Variants in REST observed in about 807,000 individuals in gnomAD.
The protein encoded by REST is RE1 silencing transcription factor, also known as RE1-silencing transcription factor.
REST carries 1 observed loss-of-function variant against 30.4 expected under a neutral mutation model. That is an observed-to-expected ratio of 0.03 (90% CI 0.01 to 0.16). REST has a LOEUF of 0.16. Ranked by LOEUF, REST falls within the 10% of genes least tolerant of loss-of-function variation. REST has a pLI of 1.00. For synonymous variants in REST, 504 were observed against 451.1 expected, an observed-to-expected ratio of 1.12 and a Z score of -1.49; for missense variants, 1,259 against 1,329.5, an observed-to-expected ratio of 0.95 and a Z score of 0.82.
chr4:56,916,511 C>A (rs1226252220), intron 2 of REST, among the ~76,000 whole-genome samples: 3 of 152,044 alleles, frequency 2.0e-5, no homozygotes, highest in Non-Finnish European at 4.4e-5. Flanking sequence ...CAACACTTAG[C>A]CTGTAGTCCC....
intron 3 of REST, among the ~76,000 whole-genome samples, chr4:56,923,528 C>T (rs116588537): frequency 0.012 from 1,819 of 152,204 alleles, 13 homozygotes; most frequent in Non-Finnish European, 0.02. Context: ...ACTGCAACTT[C>T]TACCTCCCGG....
rs1014438653 is a variant in REST at position 56,911,486 on chromosome 4, A to G, written c.848A>G (p.Tyr283Cys). Residue 283 changes from tyrosine (Y) to cysteine (C), a missense_variant, in exon 2 of 4, where the codon TAT (tyrosine) becomes TGT (cysteine). By Grantham distance (194) the Tyr-to-Cys change is radical. Transcript: ENST00000309042. The stretch of plus-strand genomic sequence containing the variant: ...GTATACACATGTGGAAAATGCAACT[A>G]TTTTTCAGACAGAAAAAACAATTAT... ...RKVYTCGKCN[Y>C]FSDRKNNYVQ... The G allele has an allele frequency of 6.2e-7, 1 of 1,614,000 alleles. No individual in the cohort carries two copies. Among genetic ancestry groups the G allele is most frequent in the Non-Finnish European group, 8.5e-7 (1 of 1,179,924 alleles).
At position 56,930,349 on chromosome 4, in the gene REST, A is replaced by G; in HGVS notation, c.1491A>G (p.Thr497=). 1 of 1,614,132 alleles carries G rather than the reference A, an allele frequency of 6.2e-7. No individual in the cohort carries two copies. The highest frequency in any genetic ancestry group is 1.1e-5 in the South Asian group (1 of 91,070). The change falls in exon 4 of 4, where the codon ACA becomes ACG. Residue 497 remains threonine (T), a synonymous_variant. Coordinates refer to ENST00000309042, the MANE Select transcript of REST (RefSeq NM_005612.5). The part of the protein sequence containing the change: ...QVTTRTRKSV[T]EVKEMDVHTG... ...CTACCAGAACTCGAAAATCAGTAAC[A>G]GAGGTGAAAGAGATGGATGTGCATA...
Position 56,931,993 on chromosome 4 carries a change from A to G in REST, c.3135A>G (p.Lys1045=). ...ARPVPQESSR[K]NAKEALAVKA... ...CAGTTCCACAAGAATCTAGCAGAAA[A>G]AATGCAAAGGAAGCCTTGGCAGTCA... Residue 1045 remains lysine, a synonymous_variant, in exon 4 of 4, where the codon AAA becomes AAG. Coordinates refer to ENST00000309042, the MANE Select transcript of REST (RefSeq NM_005612.5). The G allele has an allele frequency of 1.2e-6, 2 of 1,614,246 alleles. No homozygotes were observed. The highest frequency in any genetic ancestry group is 1.6e-4 in the Middle Eastern group (1 of 6,062).
At chr4:56,923,778 A>G (rs1236604845) in intron 3 of REST, among the ~76,000 whole-genome samples, 4 of 151,720 alleles carry the variant, frequency 2.6e-5, no homozygotes, top group East Asian at 1.9e-4. Flanking sequence ...CTGGAGTGCA[A>G]TGGTGCGACC....
intron 2 of REST, among the ~76,000 whole-genome samples, chr4:56,919,556 G>T (rs1166508952): frequency 6.6e-6 from 1 of 152,082 alleles, no homozygotes; most frequent in East Asian, 1.9e-4. Context: ...GTGAGAATTC[G>T]GAAAGTCAAT....
At chr4:56,916,261 C>CT (rs1720190057) in intron 2 of REST, among the ~76,000 whole-genome samples, 2 of 152,106 alleles carry the variant, frequency 1.3e-5, no homozygotes, top group African/African-American at 4.8e-5. Context: ...TAAAGAAAAC[C>CT]TTTTTGCCTG....
chr4:56,908,119 C>G lies in REST; in HGVS notation c.-104C>G, dbSNP rs971145222. ...CCAGCACCCAACTTTACCACCCTCC[C>G]CCACCTCTCCCCCGAAACTCCAGCA... On this transcript the variant is annotated 5_prime_UTR_variant, in exon 1 of 4. Coordinates refer to ENST00000309042, the MANE Select transcript of REST (RefSeq NM_005612.5). 6.8e-6 allele frequency: 2 copies of G among 293,316 alleles called. No individual in the cohort carries two copies. The highest frequency in any genetic ancestry group is 1.3e-5 in the Non-Finnish European group (2 of 157,350). 18.2% of individuals were successfully genotyped at this position (293,316 alleles called of 1,614,324 possible).
chr4:56,925,310 T>C (rs1393370783), intron 3 of REST, among the ~76,000 whole-genome samples: 1 of 152,178 alleles, frequency 6.6e-6, no homozygotes, highest in African/African-American at 2.4e-5. Flanking sequence ...CCTCCTAGGC[T>C]CAAACGATCC....
In REST at chr4:56,934,828, A is replaced by G. The variant is rs1578520676; in HGVS notation, c.*2676A>G. 6.6e-6 allele frequency: 1 copy of G among 152,202 alleles called. No homozygotes were observed. The highest frequency in any genetic ancestry group is 1.5e-5 in the Non-Finnish European group (1 of 68,026). 9.4% of individuals were successfully genotyped at this position (152,202 alleles called of 1,614,324 possible). On this transcript the variant is annotated 3_prime_UTR_variant, in exon 4 of 4. Coordinates refer to ENST00000309042, the MANE Select transcript of REST (RefSeq NM_005612.5). Reference sequence around the variant, plus strand: ...TAATTAGTGATAAACTTGAAATACTAGCATATATTATAAGCCTTAATCTTA... The same window carrying G: ...TAATTAGTGATAAACTTGAAATACTGGCATATATTATAAGCCTTAATCTTA...
Position 56,921,026 on chromosome 4 carries a change from C to T in REST, c.982+1156C>T, listed in dbSNP as rs116871278. On this transcript the variant is annotated intron_variant, in intron 3 of 3. Coordinates refer to ENST00000309042, the MANE Select transcript of REST (RefSeq NM_005612.5). The stretch of plus-strand genomic sequence containing the variant: ...GATTACAGGCGCGCACCACCATGCC[C>T]GGCTGATTCTTGTATTTTTAGTAGA... Among the ~76,000 whole-genome samples the T allele has an allele frequency of 1.7e-3, 261 of 151,952 alleles. 3 individuals carry two copies. The East Asian group carries it at 0.041, about 24-fold the overall frequency.
chr4:56,907,983 G>T lies in REST; in HGVS notation c.-240G>T. ...AGCGGAGCGAGCGCCGCCGAGGCCC[G>T]GGGCCCCAGACCCTGGCGGCGGCTG... On this transcript the variant is annotated 5_prime_UTR_variant, in exon 1 of 4. Transcript: ENST00000309042. 2.9e-6 allele frequency: 1 copy of T among 350,188 alleles called. No individual in the cohort carries two copies. Among genetic ancestry groups the T allele is most frequent in the Non-Finnish European group, 5.1e-6 (1 of 195,564 alleles). 21.7% of individuals were successfully genotyped at this position (350,188 alleles called of 1,614,324 possible).
chr4:56,923,940 C>A (rs927529841), intron 3 of REST, among the ~76,000 whole-genome samples: 7 of 151,634 alleles, frequency 4.6e-5, no homozygotes, highest in Non-Finnish European at 8.8e-5. Context: ...CCAGGATAGT[C>A]TTGATCTCCT....
At chr4:56,912,361 G>C (rs1315563192) in intron 2 of REST, among the ~76,000 whole-genome samples, 1 of 51,398 alleles carries the variant, frequency 1.9e-5, no homozygotes, top group Non-Finnish European at 4.0e-5. Context: ...TTTTTTTTTT[G>C]AGACAGTCTG....
At chr4:56,914,966 C>T (rs1430520111) in intron 2 of REST, among the ~76,000 whole-genome samples, 4 of 141,660 alleles carry the variant, frequency 2.8e-5, no homozygotes, top group African/African-American at 1.1e-4. Flanking sequence ...CTCTTGTCGC[C>T]CAGGGTGGAG....
intron 2 of REST, among the ~76,000 whole-genome samples, chr4:56,916,059 C>T (rs1720181515): frequency 6.9e-6 from 1 of 144,214 alleles, no homozygotes; most frequent in African/African-American, 2.5e-5. Flanking sequence ...CGAGATTGTG[C>T]AACTGCACTC....
At chr4:56,911,566 A>G (rs1719914082) in intron 2 of REST, 30 bp downstream of exon 2, 1 of 1,561,028 alleles carries the variant, frequency 6.4e-7, no homozygotes. Context: ...CCATAAGTTC[A>G]GTTCTCTTTT....
rs1266165369 is a variant in REST, at chr4:56,935,460, T to G, written c.*3308T>G. ...CAGATAGCTTTTACAGTTTCACATG[T>G]GTACATAGGTTCCCTCCCGGTCCCT... On this transcript the variant is annotated 3_prime_UTR_variant, in exon 4 of 4. Coordinates refer to ENST00000309042, the MANE Select transcript of REST (RefSeq NM_005612.5). 1 of 152,238 alleles carries G rather than the reference T, an allele frequency of 6.6e-6. No individual in the cohort carries two copies. 9.4% of individuals were successfully genotyped at this position (152,238 alleles called of 1,614,324 possible).
chr4:56,910,516 AT>A (rs1719844330), intron 1 of REST, 113 bp from the exon 2 acceptor site: 1 of 839,828 alleles, frequency 1.2e-6, no homozygotes, highest in South Asian at 2.0e-5. Flanking sequence ...TTACTGAGTT[AT>A]AAAGATCATA....
Sources: gnomAD v4.1 joint callset for allele counts (sites outside exome capture counted in the v4.1 genomes callset) on GRCh38, gnomAD v4.1.1 for gene constraint, MANE v1.5 for transcripts, NCBI Gene and HGNC (gene_info 2026-07-23, HGNC 2026-07-21) for gene names.